The following CSMD3 variants were observed in gnomAD, a reference collection of about 807,000 sequenced individuals.
The protein encoded by CSMD3 is CUB and sushi domain-containing protein 3.
Under a neutral mutation model 435.2 loss-of-function variants are expected in CSMD3, and 177 were observed. The observed-to-expected ratio is 0.41, with a 90% CI of 0.36 to 0.46. CSMD3 has a LOEUF of 0.46. CSMD3 is among the 20% of genes least tolerant of loss of function. CSMD3 has a pLI of 0.34. For missense variants in CSMD3, 4,265 were observed against 4,504.6 expected (o/e 0.95, Z 1.52); for synonymous variants, 1,656 against 1,520.5 (o/e 1.09, Z -2.07).
chr8:113,376,104 C>T (rs1302562281), intron 1 of CSMD3, among the ~76,000 whole-genome samples: 1 of 152,070 alleles, frequency 6.6e-6, no homozygotes, highest in Non-Finnish European at 1.5e-5. Context: ...AATGAGATGA[C>T]TCAATGTCTT....
chr8:113,242,252 C>T (rs1435568600), intron 3 of CSMD3, among the ~76,000 whole-genome samples: 1 of 151,806 alleles, frequency 6.6e-6, no homozygotes, highest in African/African-American at 2.4e-5. Context: ...TACTCATGTA[C>T]ATTTTACCTT....
At chr8:112,352,598 A>G in intron 38 of CSMD3, 64 bp from the exon 39 acceptor site, 5 of 1,388,250 alleles carry the variant, frequency 3.6e-6, no homozygotes, top group Non-Finnish European at 5.1e-6. Flanking sequence ...AGTTATGCAT[A>G]TTAAGTTGCT....
At chr8:113,024,533 C>T (rs781248752) in intron 5 of CSMD3, among the ~76,000 whole-genome samples, 1 of 152,130 alleles carries the variant, frequency 6.6e-6, no homozygotes, top group African/African-American at 2.4e-5. Context: ...AACATACATA[C>T]TATTTTTAAT....
intron 5 of CSMD3, among the ~76,000 whole-genome samples, chr8:113,045,777 A>AGTGT (rs2131305013): frequency 6.7e-6 from 1 of 149,556 alleles, no homozygotes; most frequent in South Asian, 2.1e-4. Flanking sequence ...CACCAGCACG[A>AGTGT]AACTCGGCAC....
At chr8:113,104,890 C>A (rs551719907) in intron 4 of CSMD3, among the ~76,000 whole-genome samples, 3 of 151,950 alleles carry the variant, frequency 2.0e-5, no homozygotes, top group Non-Finnish European at 4.4e-5. Context: ...TTTTTGAATG[C>A]ACAAATATGC....
intron 27 of CSMD3, among the ~76,000 whole-genome samples, chr8:112,536,864 T>C (rs1296968768): frequency 6.6e-6 from 1 of 151,970 alleles, no homozygotes; most frequent in Admixed American, 6.6e-5. Flanking sequence ...TTCATGTCCT[T>C]TGTAGGGACA....
rs370529922 is a variant in CSMD3, at chr8:112,263,753, C to T, written c.9748G>A (p.Asp3250Asn). The T allele has an allele frequency of 7.9e-5, 127 of 1,613,656 alleles. No individual in the cohort carries two copies. The highest frequency in any genetic ancestry group is 1.1e-4 in the East Asian group (5 of 44,868). Residue 3250 changes from aspartate (D) to asparagine (N), a missense_variant, in exon 61 of 71, where the codon GAC (aspartate) becomes AAC (asparagine). Asp to Asn is a conservative substitution (Grantham distance 23). Around this residue, in one of 3 missense-constraint regions of CSMD3, gnomAD observed 3,255 missense variants for 3,380.2 expected, o/e 0.96. Transcript: ENST00000297405. ...SNGRLEGTNF[D>N]WGFSISYICS... ...ATGTAGCTAATACTAAAGCCCCAGTCGAAATTTGTTCCTTCCAGCCTTCCA... is the reference window on the plus strand; with the variant it reads ...ATGTAGCTAATACTAAAGCCCCAGTTGAAATTTGTTCCTTCCAGCCTTCCA...
chr8:112,784,555 G>A (rs746665896), intron 13 of CSMD3, among the ~76,000 whole-genome samples: 7 of 151,600 alleles, frequency 4.6e-5, no homozygotes, highest in African/African-American at 1.2e-4. Context: ...TGACTCAAAC[G>A]AATAAAATCA....
intron 6 of CSMD3, among the ~76,000 whole-genome samples, chr8:112,997,428 T>C (rs1587851750): frequency 6.6e-6 from 1 of 151,790 alleles, no homozygotes; most frequent in South Asian, 2.1e-4. Flanking sequence ...GGATACCTGT[T>C]TTCTCAATGC....
chr8:112,410,853 G>GA (rs958684680), intron 32 of CSMD3, among the ~76,000 whole-genome samples: 7 of 148,504 alleles, frequency 4.7e-5, no homozygotes, highest in South Asian at 2.1e-4. Flanking sequence ...CCGGAAAAAA[G>GA]AAAAAAAATG....
At chr8:112,812,947 T>G (rs1049678080) in intron 12 of CSMD3, among the ~76,000 whole-genome samples, 1 of 152,194 alleles carries the variant, frequency 6.6e-6, no homozygotes, top group African/African-American at 2.4e-5. Context: ...TGAAAGGCCT[T>G]AGCCCACTTC....
At chr8:112,873,952 G>GC (rs1403438044) in intron 10 of CSMD3, among the ~76,000 whole-genome samples, 1 of 151,520 alleles carries the variant, frequency 6.6e-6, no homozygotes, top group Non-Finnish European at 1.5e-5. Flanking sequence ...TCGTCTGCTA[G>GC]TTTGAATTTG....
chr8:112,910,567 C>T (rs2082382362), intron 10 of CSMD3, among the ~76,000 whole-genome samples: 1 of 151,790 alleles, frequency 6.6e-6, no homozygotes, highest in Admixed American at 6.6e-5. Context: ...TATTCTGAAT[C>T]TCAGATTCTT....
In CSMD3 at chr8:113,253,787, C is replaced by T. The variant is rs138345803; in HGVS notation, c.514+24805G>A. On this transcript the variant is annotated intron_variant, in intron 3 of 70. Transcript: ENST00000297405. ...TAGGGAGTTGGAGGTTGCAGTGACC[C>T]GAGATCGTGCCACTGCACTGCAGTC... 4.1e-3 allele frequency among the ~76,000 whole-genome samples: 626 copies of T among 151,004 alleles called. 3 individuals carry two copies. Among genetic ancestry groups the T allele is most frequent in the Non-Finnish European group, 7.2e-3 (489 of 67,766 alleles).
intron 58 of CSMD3, among the ~76,000 whole-genome samples, chr8:112,286,708 G>A (rs1478981044): frequency 4.6e-5 from 7 of 152,046 alleles, no homozygotes; most frequent in African/African-American, 4.8e-5. Context: ...TAGTATCTGC[G>A]TTTTCAGGCT....
At chr8:112,245,122 AT>A (rs1389889903) in intron 64 of CSMD3, among the ~76,000 whole-genome samples, 2 of 152,152 alleles carry the variant, frequency 1.3e-5, no homozygotes, top group East Asian at 3.9e-4. Flanking sequence ...CATTTTAATA[AT>A]TTTTTTACAT....
intron 1 of CSMD3, among the ~76,000 whole-genome samples, chr8:113,354,545 C>G (rs1475224867): frequency 6.6e-6 from 1 of 152,114 alleles, no homozygotes; most frequent in South Asian, 2.1e-4. Flanking sequence ...CATGAATGTT[C>G]TAAGAAACAT....
intron 39 of CSMD3, 95 bp from the exon 40 acceptor site, chr8:112,351,339 T>C (rs1044391880): frequency 3.7e-6 from 3 of 813,220 alleles, no homozygotes; most frequent in African/African-American, 1.7e-5. Flanking sequence ...CAAGCTTAAG[T>C]ACATGGCTTT....
At chr8:112,834,884 A>T (rs1453334069) in intron 11 of CSMD3, among the ~76,000 whole-genome samples, 1 of 151,842 alleles carries the variant, frequency 6.6e-6, no homozygotes, top group Admixed American at 6.6e-5. Context: ...AATAAACAAA[A>T]ACATAAATTG....
Sources: gnomAD v4.1 joint callset for allele counts (sites outside exome capture counted in the v4.1 genomes callset) on GRCh38, gnomAD v4.1.1 for gene constraint, gnomAD v4.1.1 regional missense constraint, MANE v1.5 for transcripts, NCBI Gene and HGNC (gene_info 2026-07-23, HGNC 2026-07-21) for gene names.